Variants in TRABD2B observed in about 807,000 individuals in gnomAD.
The protein encoded by TRABD2B is metalloprotease TIKI2.
A neutral mutation model predicts 40.1 loss-of-function variants in TRABD2B; 14 were observed. The observed-to-expected ratio is 0.35, with a 90% CI of 0.23 to 0.55. TRABD2B has a LOEUF of 0.55. Among genes scored for constraint, TRABD2B ranks in the 20% least tolerant of loss-of-function variants. The probability of loss-of-function intolerance (pLI) is 0.90; values close to 1 mark genes in which losing one functional copy is unlikely to be tolerated. For missense variants in TRABD2B, 541 were observed against 648.6 expected (o/e 0.83, Z 1.80); for synonymous variants, 263 against 277.0 (o/e 0.95, Z 0.50).
Position 47,968,328 on chromosome 1 carries a change from C to A in TRABD2B, c.666+25706G>T, listed in dbSNP as rs973660825. ...AGAGTCCGAGAAGGTAAACTGCAGGCTGCTCCTACGACAACCACTATGGTT... is the reference window on the plus strand; with the variant it reads ...AGAGTCCGAGAAGGTAAACTGCAGGATGCTCCTACGACAACCACTATGGTT... On this transcript the variant is annotated intron_variant, in intron 2 of 6. Transcript: ENST00000606738. Among the ~76,000 whole-genome samples the A allele has an allele frequency of 2.6e-5, 4 of 152,296 alleles. No individual in the cohort carries two copies. The East Asian group carries it at 5.8e-4, about 22-fold the overall frequency.
rs369395385 is a variant in TRABD2B, at chr1:47,768,331, G to A, written c.1350-2225C>T. On this transcript the variant is annotated intron_variant, in intron 6 of 6. Transcript: ENST00000606738. ...GAGTAGAGTGTGTGTGTGTGGAAGT[G>A]GGGGGGGAGGGCCAGGTGGCTTCCA... Among the ~76,000 whole-genome samples, 146 of 20,068 alleles carry A rather than the reference G, an allele frequency of 7.3e-3. 1 individual carries two copies. Among genetic ancestry groups the A allele is most frequent in the African/African-American group, 0.029 (138 of 4,790 alleles). The allele number at this position is 20,068 out of a possible 152,430, so 13.2% of individuals were successfully genotyped here.
chr1:47,919,946 T>C (rs930951886), intron 2 of TRABD2B, among the ~76,000 whole-genome samples: 2 of 152,232 alleles, frequency 1.3e-5, no homozygotes, highest in South Asian at 4.1e-4. Flanking sequence ...TTAGTGATTG[T>C]TCCTTTAGGT....
intron 2 of TRABD2B, among the ~76,000 whole-genome samples, chr1:47,980,272 C>T (rs1645822599): frequency 6.6e-6 from 1 of 152,178 alleles, no homozygotes; most frequent in South Asian, 2.1e-4. Context: ...ACTTGTCCTT[C>T]AATACAGCTC....
intron 4 of TRABD2B, among the ~76,000 whole-genome samples, chr1:47,786,438 C>CT (rs1644596701): frequency 6.6e-6 from 1 of 152,204 alleles, no homozygotes; most frequent in Non-Finnish European, 1.5e-5. Flanking sequence ...CTGGCTCCAG[C>CT]TAGGGACAAG....
intron 4 of TRABD2B, among the ~76,000 whole-genome samples, chr1:47,780,616 C>T (rs184272416): frequency 3.9e-4 from 60 of 152,256 alleles, no homozygotes; most frequent in African/African-American, 7.9e-4. Context: ...TGGGGTCAAG[C>T]AGACTTCCTG....
At chr1:47,889,814 C>T (rs981285445) in intron 2 of TRABD2B, among the ~76,000 whole-genome samples, 2 of 152,350 alleles carry the variant, frequency 1.3e-5, no homozygotes, top group South Asian at 2.1e-4. Flanking sequence ...ACAACCTTTA[C>T]CCTCTCTGAG....
At chr1:47,805,015 C>T (rs1644872211) in intron 2 of TRABD2B, among the ~76,000 whole-genome samples, 1 of 152,304 alleles carries the variant, frequency 6.6e-6, no homozygotes, top group African/African-American at 2.4e-5. Context: ...ACCCTGGAGC[C>T]TAGTTTGAGA....
At chr1:47,802,411 C>CAGGGA (rs895049862) in intron 2 of TRABD2B, among the ~76,000 whole-genome samples, 4 of 152,128 alleles carry the variant, frequency 2.6e-5, no homozygotes, top group South Asian at 4.1e-4. Context: ...CACTGAGGCC[C>CAGGGA]AGGGAAGGGA....
At chr1:47,834,997 T>C (rs1645299857) in intron 2 of TRABD2B, among the ~76,000 whole-genome samples, 1 of 152,216 alleles carries the variant, frequency 6.6e-6, no homozygotes, top group Non-Finnish European at 1.5e-5. Flanking sequence ...TATTTTAATA[T>C]GATCAAGGAA....
At chr1:47,980,424 T>A (rs938828265) in intron 2 of TRABD2B, among the ~76,000 whole-genome samples, 7 of 152,130 alleles carry the variant, frequency 4.6e-5, no homozygotes, top group African/African-American at 1.4e-4. Flanking sequence ...GTAGCATCCA[T>A]AGGACCCTCC....
At chr1:47,945,778 T>C (rs1326710305) in intron 2 of TRABD2B, among the ~76,000 whole-genome samples, 1 of 152,236 alleles carries the variant, frequency 6.6e-6, no homozygotes, top group Non-Finnish European at 1.5e-5. Flanking sequence ...ATTATTTGGA[T>C]ACACCACAGT....
At chr1:47,831,955 G>A (rs1314627050) in intron 2 of TRABD2B, among the ~76,000 whole-genome samples, 1 of 151,084 alleles carries the variant, frequency 6.6e-6, no homozygotes, top group Non-Finnish European at 1.5e-5. Flanking sequence ...CTGTGATACA[G>A]CAAAAAAACT....
chr1:47,955,155 G>A (rs1645400263), intron 2 of TRABD2B, among the ~76,000 whole-genome samples: 1 of 152,124 alleles, frequency 6.6e-6, no homozygotes, highest in Non-Finnish European at 1.5e-5. Flanking sequence ...CTAAGCCCTA[G>A]GGCTTTTTCC....
intron 2 of TRABD2B, among the ~76,000 whole-genome samples, chr1:47,887,124 G>A (rs559989117): frequency 6.6e-6 from 1 of 152,292 alleles, no homozygotes; most frequent in African/African-American, 2.4e-5. Context: ...GGTAAATCTA[G>A]TGATAATAAT....
chr1:47,856,415 A>G (rs1362157141), intron 2 of TRABD2B, among the ~76,000 whole-genome samples: 1 of 152,250 alleles, frequency 6.6e-6, no homozygotes, highest in Non-Finnish European at 1.5e-5. Context: ...GTGTGTGAAT[A>G]ATGAAAGGGC....
chr1:47,903,439 T>C (rs1451611880), intron 2 of TRABD2B, among the ~76,000 whole-genome samples: 1 of 151,654 alleles, frequency 6.6e-6, no homozygotes, highest in East Asian at 1.9e-4. Context: ...AGAAAAACGG[T>C]TGGGAATCAT....
At chr1:47,868,149 C>G (rs1191472024) in intron 2 of TRABD2B, among the ~76,000 whole-genome samples, 1 of 152,194 alleles carries the variant, frequency 6.6e-6, no homozygotes, top group African/African-American at 2.4e-5. Context: ...CCCAAAGCAC[C>G]ATTCGCATTT....
intron 2 of TRABD2B, among the ~76,000 whole-genome samples, chr1:47,958,781 C>T (rs1445108680): frequency 1.3e-5 from 2 of 152,204 alleles, no homozygotes; most frequent in African/African-American, 4.8e-5. Flanking sequence ...TAACACCACA[C>T]TGTCAACATT....
At chr1:47,816,773 T>A (rs530581619) in intron 2 of TRABD2B, among the ~76,000 whole-genome samples, 1 of 152,194 alleles carries the variant, frequency 6.6e-6, no homozygotes, top group Non-Finnish European at 1.5e-5. Context: ...ACAGGGAGTA[T>A]GTGAAGTTTG....
Sources: gnomAD v4.1 joint callset for allele counts (sites outside exome capture counted in the v4.1 genomes callset) on GRCh38, gnomAD v4.1.1 for gene constraint, MANE v1.5 for transcripts, NCBI Gene and HGNC (gene_info 2026-07-23, HGNC 2026-07-21) for gene names.